The following CARMIL1 variants were observed in gnomAD, a reference collection of about 807,000 sequenced individuals.
The protein encoded by CARMIL1 is F-actin-uncapping protein LRRC16A.
Under a neutral mutation model 177.1 loss-of-function variants are expected in CARMIL1, and 90 were observed. The ratio of observed to expected loss-of-function variants is 0.51; its 90% CI spans 0.43 to 0.61. The LOEUF is 0.61. Among genes scored for constraint, CARMIL1 ranks in the 20% least tolerant of loss-of-function variants. The pLI is 0.00. For synonymous variants in CARMIL1, 577 were observed against 606.2 expected (o/e 0.95, Z 0.71); for missense variants, 1,380 against 1,667.0 (o/e 0.83, Z 3.00).
intron 2 of CARMIL1, among the ~76,000 whole-genome samples, chr6:25,364,972 A>C (rs902010700): frequency 1.3e-5 from 2 of 152,194 alleles, no homozygotes; most frequent in African/African-American, 4.8e-5. Flanking sequence ...CCTTTCACTC[A>C]GCGTTGGCCT....
chr6:25,404,773 T>C (rs563827721), intron 2 of CARMIL1, among the ~76,000 whole-genome samples: 1 of 102,670 alleles, frequency 9.7e-6, no homozygotes, highest in Admixed American at 9.6e-5. Flanking sequence ...AAAAAAAAAA[T>C]AGAGGTGCAG....
In CARMIL1 at chr6:25,279,781, A is replaced by G. The variant is rs751623092; in HGVS notation, c.-15A>G. The G allele has an allele frequency of 6.2e-7, 1 of 1,613,746 alleles. No homozygotes were observed. The highest frequency in any genetic ancestry group is 8.5e-7 in the Non-Finnish European group (1 of 1,179,736). On this transcript the variant is annotated 5_prime_UTR_variant, in exon 1 of 37. Transcript: ENST00000329474. ...GAGTTGGACCTGCAATAACCCCCAC[A>G]CCTACAGGGCAACCATGACCGAGGA...
At chr6:25,546,591 G>C (rs1809496798) in intron 26 of CARMIL1, among the ~76,000 whole-genome samples, 1 of 150,914 alleles carries the variant, frequency 6.6e-6, no homozygotes, top group Non-Finnish European at 1.5e-5. Context: ...TCCCAGCAAG[G>C]TGGGAGTGAG....
chr6:25,302,541 A>G (rs769275025), intron 2 of CARMIL1, among the ~76,000 whole-genome samples: 4 of 152,216 alleles, frequency 2.6e-5, no homozygotes, highest in Non-Finnish European at 4.4e-5. Context: ...CCCTAAAAGC[A>G]ATCTCTTTGT....
chr6:25,417,719 TTAA>T (rs1795483456), intron 2 of CARMIL1, among the ~76,000 whole-genome samples: 1 of 151,956 alleles, frequency 6.6e-6, no homozygotes, highest in African/African-American at 2.4e-5. Flanking sequence ...GCTGTAAGAT[TTAA>T]ATTATACTCT....
Position 25,286,132 on chromosome 6 carries a change from C to T in CARMIL1, c.138+1223C>T, listed in dbSNP as rs772725419. 3.5e-4 allele frequency among the ~76,000 whole-genome samples: 54 copies of T among 152,306 alleles called. 1 individual carries two copies. The highest frequency in any genetic ancestry group is 7.9e-4 in the African/African-American group (33 of 41,562). On this transcript the variant is annotated intron_variant, in intron 2 of 36. Coordinates refer to ENST00000329474, the MANE Select transcript of CARMIL1 (RefSeq NM_017640.6). Reference sequence around the variant, plus strand: ...AAGCGATCTGCCTGCCTCGGCCTCCCGAAGTGCTGGGATTACAGGCATGAG... The same window carrying T: ...AAGCGATCTGCCTGCCTCGGCCTCCTGAAGTGCTGGGATTACAGGCATGAG...
At chr6:25,383,589 A>C (rs1791821884) in intron 2 of CARMIL1, 1 of 152,214 alleles carries the variant, frequency 6.6e-6, no homozygotes, top group Non-Finnish European at 1.5e-5. Flanking sequence ...CTTGAAATAG[A>C]AAAACTGTGG....
chr6:25,457,150 C>T (rs1385938542), intron 8 of CARMIL1, among the ~76,000 whole-genome samples: 1 of 152,086 alleles, frequency 6.6e-6, no homozygotes, highest in Non-Finnish European at 1.5e-5. Context: ...GTGGGGTGAA[C>T]AAGATGATGA....
intron 11 of CARMIL1, among the ~76,000 whole-genome samples, chr6:25,475,975 A>T (rs1801542517): frequency 1.3e-5 from 2 of 152,062 alleles, no homozygotes; most frequent in Admixed American, 1.3e-4. Flanking sequence ...TCTCATCCCC[A>T]CCTTCTGGGT....
chr6:25,304,993 G>A (rs891670980), intron 2 of CARMIL1, among the ~76,000 whole-genome samples: 1 of 152,222 alleles, frequency 6.6e-6, no homozygotes, highest in East Asian at 1.9e-4. Context: ...CTGCTGGCTG[G>A]GTTTGTTACT....
chr6:25,302,409 G>C (rs1782925748), intron 2 of CARMIL1, among the ~76,000 whole-genome samples: 1 of 152,204 alleles, frequency 6.6e-6, no homozygotes, highest in Non-Finnish European at 1.5e-5. Flanking sequence ...AAGATTTGGG[G>C]CCTGACCAAG....
chr6:25,496,452 A>G (rs1011649905), intron 16 of CARMIL1, among the ~76,000 whole-genome samples: 1 of 149,440 alleles, frequency 6.7e-6, no homozygotes, highest in Non-Finnish European at 1.5e-5. Flanking sequence ...CCAGCCTGGC[A>G]ACAGAGTGAG....
At position 25,402,997 on chromosome 6, in the gene CARMIL1, A is replaced by G. The variant is rs881698; in HGVS notation, c.139-17117A>G. 4.2e-3 allele frequency among the ~76,000 whole-genome samples: 646 copies of G among 152,256 alleles called. 5 individuals are homozygous for G. Among genetic ancestry groups the G allele is most frequent in the African/African-American group, 0.014 (596 of 41,542 alleles). On this transcript the variant is annotated intron_variant, in intron 2 of 36. Transcript: ENST00000329474. ...TCATTTTTTCCCCTACTGAGGACAA[A>G]CATAATTTGATAATCTTCAGAATAA... is the stretch of plus-strand genomic sequence containing the variant.
chr6:25,335,395 G>A (rs1250431021), intron 2 of CARMIL1, among the ~76,000 whole-genome samples: 2 of 152,012 alleles, frequency 1.3e-5, no homozygotes, highest in South Asian at 2.1e-4. Flanking sequence ...AATGAAATGA[G>A]GTTTCTAAAA....
At chr6:25,456,789 T>A (rs989464044) in intron 8 of CARMIL1, among the ~76,000 whole-genome samples, 1 of 152,162 alleles carries the variant, frequency 6.6e-6, no homozygotes, top group Non-Finnish European at 1.5e-5. Context: ...CTCAATGACA[T>A]GCATCATTGA....
At chr6:25,452,470 A>C in intron 8 of CARMIL1, 1 of 407,274 alleles carries the variant, frequency 2.5e-6, no homozygotes, top group Non-Finnish European at 4.4e-6. Context: ...TTACAATCTT[A>C]AAAATGATCG....
intron 4 of CARMIL1, among the ~76,000 whole-genome samples, chr6:25,427,611 G>T (rs1401460811): frequency 2.0e-5 from 3 of 152,126 alleles, no homozygotes; most frequent in Non-Finnish European, 4.4e-5. Flanking sequence ...GTAGCTATAT[G>T]TTTAACTTTT....
chr6:25,596,635 C>G (rs1309961171), intron 32 of CARMIL1, among the ~76,000 whole-genome samples: 1 of 152,110 alleles, frequency 6.6e-6, no homozygotes, highest in Non-Finnish European at 1.5e-5. Flanking sequence ...TGTCTCTTAT[C>G]TGAAATGCTT....
chr6:25,485,575 C>T (rs896202008), intron 12 of CARMIL1, among the ~76,000 whole-genome samples: 8 of 152,134 alleles, frequency 5.3e-5, no homozygotes, highest in African/African-American at 1.9e-4. Context: ...GCTGGGATTA[C>T]AGGCATGTGC....
Sources: allele counts gnomAD v4.1 joint callset (sites outside exome capture counted in the v4.1 genomes callset), GRCh38; gene constraint gnomAD v4.1.1; transcripts MANE v1.5; gene names NCBI Gene and HGNC (gene_info 2026-07-23, HGNC 2026-07-21).